COX4I2: variants seen among roughly 807,000 people sequenced by gnomAD.
The protein encoded by COX4I2 is cytochrome c oxidase subunit 4I2.
In COX4I2, 15 loss-of-function variants were observed where a neutral mutation model predicts 20.8. That is an observed-to-expected ratio of 0.72 (90% confidence interval 0.48 to 1.11). The LOEUF is 1.11. Among genes scored for constraint, COX4I2 ranks in the 50% most tolerant of loss-of-function variants. The pLI, the probability that COX4I2 is intolerant of heterozygous loss-of-function variation, is 0.00. For missense variants in COX4I2, 224 were observed against 223.0 expected, an observed-to-expected ratio of 1.00 and a Z score of -0.03; for synonymous variants, 80 against 78.1, an observed-to-expected ratio of 1.02 and a Z score of -0.13.
chr20:31,644,691 GCTACA>G, intron 4 of COX4I2, 72 bp from the exon 5 acceptor site: 3 of 1,564,702 alleles, frequency 1.9e-6, no homozygotes. Context: ...TGGCTGGGAG[GCTACA>G]GGGTGGCTGG....
In COX4I2 at chr20:31,644,571, G is replaced by A. The variant is rs1163728690; in HGVS notation, c.380-197G>A. On this transcript the variant is annotated intron_variant, in intron 4 of 4. Transcript: ENST00000376075. The stretch of plus-strand genomic sequence containing the variant: ...TGGGGTCAGAACCCAGAGGTGCCTG[G>A]GACGATGCTCTAGGAGAAAGTCTGG... 2.6e-5 allele frequency among the ~76,000 whole-genome samples: 4 copies of A among 152,266 alleles called. No individual in the cohort carries two copies. The South Asian group carries it at 8.3e-4, about 32-fold the overall frequency.
In COX4I2 at chr20:31,640,045, G is replaced by A. The variant is rs992843222; in HGVS notation, c.195G>A (p.Lys65=). Residue 65 remains lysine (K), a synonymous_variant, in exon 3 of 5, where the codon AAG becomes AAA. Coordinates refer to ENST00000376075, the MANE Select transcript of COX4I2 (RefSeq NM_032609.3). ...TELNAEEQAL[K]EKEKGSWTQL... ...TCAACGCTGAGGAGCAGGCCCTGAAGGAGAAGGAGAAGGGAAGCTGGACCC... is the reference window on the plus strand; with the variant it reads ...TCAACGCTGAGGAGCAGGCCCTGAAAGAGAAGGAGAAGGGAAGCTGGACCC... 4 of 1,613,744 alleles carry A rather than the reference G, an allele frequency of 2.5e-6. No homozygotes were observed. The Admixed American group carries it at 5.0e-5, about 20-fold the overall frequency.
At position 31,641,613 on chromosome 20, in the gene COX4I2, T is replaced by C. The variant is rs1207614130; in HGVS notation, c.247+1516T>C. On this transcript the variant is annotated intron_variant, in intron 3 of 4. Transcript: ENST00000376075. ...ACCACATAGACAGGCACCAGGGGTT[T>C]CACCCTTAGCTGCTACACCACATTA... Among the ~76,000 whole-genome samples the C allele has an allele frequency of 4.6e-5, 7 of 152,210 alleles. No individual in the cohort carries two copies. In the East Asian group the frequency reaches 1.3e-3, roughly 29 times the overall value.
At position 31,640,954 on chromosome 20, in the gene COX4I2, TACACACACAC is replaced by T. The variant is rs35214276; in HGVS notation, c.247+889_247+898del. Among the ~76,000 whole-genome samples, 246 of 133,610 alleles carry T rather than the reference TACACACACAC, an allele frequency of 1.8e-3. 1 individual carries two copies. Among genetic ancestry groups the T allele is most frequent in the Middle Eastern group, 7.2e-3 (2 of 276 alleles). 87.7% of individuals were successfully genotyped at this position (133,610 alleles called of 152,430 possible). A position where few individuals can be genotyped will look rare whatever the true frequency, so the allele number is the denominator to read the frequency against. ...TACCCCTTCTCTCTCTCTCTCTTTC[TACACACACAC>T]ACACACACACACACACACACACACA... On this transcript the variant is annotated intron_variant, in intron 3 of 4. Coordinates refer to ENST00000376075, the MANE Select transcript of COX4I2 (RefSeq NM_032609.3).
intron 4 of COX4I2, 123 bp downstream of exon 4, chr20:31,643,658 G>T (rs1456231240): frequency 5.0e-6 from 6 of 1,195,104 alleles, no homozygotes; most frequent in Non-Finnish European, 6.1e-6. Context: ...TTCTGAAGAG[G>T]TGTAGGGTGA....
chr20:31,640,084 C>T lies in COX4I2; in HGVS notation c.234C>T (p.Ala78=), dbSNP rs777150879. The T allele has an allele frequency of 3.2e-5, 52 of 1,610,558 alleles. No homozygotes were observed. Among genetic ancestry groups the T allele is most frequent in the African/African-American group, 9.4e-5 (7 of 74,858 alleles). ...GAAGCTGGACCCAGCTGACCCACGC[C>T]GAAAAGGTGGCCTGTAAGTGTCAGG... The part of the protein sequence containing the change: ...EKGSWTQLTH[A]EKVALYRLQF... The change falls in exon 3 of 5, where the codon GCC becomes GCT. Residue 78 remains alanine (A), a synonymous_variant. Transcript: ENST00000376075.
Position 31,639,073 on chromosome 20 carries a change from G to A in COX4I2, c.56G>A (p.Arg19Gln), listed in dbSNP as rs759441417. Residue 19 changes from arginine to glutamine, a missense_variant, in exon 2 of 5, where the codon CGA becomes CAA. Coordinates refer to ENST00000376075, the MANE Select transcript of COX4I2 (RefSeq NM_032609.3). ...CTGAGGAAAGGTGGAGGTGGAAGAC[G>A]AGGGATGCACAGCTCAGAAGGCACC... ...LVLRKGGGGRRGMHSSEGTTR... is the reference protein window; with the variant it reads ...LVLRKGGGGRQGMHSSEGTTR... 7.4e-6 allele frequency: 12 copies of A among 1,612,206 alleles called. No individual in the cohort carries two copies. The East Asian group carries it at 1.6e-4, about 21-fold the overall frequency.
Position 31,644,844 on chromosome 20 carries a change from G to C in COX4I2, c.456G>C (p.Val152=), listed in dbSNP as rs928305162. 8 of 1,614,008 alleles carry C rather than the reference G, an allele frequency of 5.0e-6. No individual in the cohort carries two copies. The highest frequency in any genetic ancestry group is 6.8e-6 in the Non-Finnish European group (8 of 1,180,000). Residue 152 remains valine, a synonymous_variant, in exon 5 of 5, where the codon GTG becomes GTC. Coordinates refer to ENST00000376075, the MANE Select transcript of COX4I2 (RefSeq NM_032609.3). ...QQLQRMLDMK[V]NPVQGLASRW... ...TGCAGCGCATGCTGGACATGAAGGTGAATCCTGTGCAGGGCCTGGCCTCCC... is the reference window on the plus strand; with the variant it reads ...TGCAGCGCATGCTGGACATGAAGGTCAATCCTGTGCAGGGCCTGGCCTCCC...
At position 31,640,051 on chromosome 20, in the gene COX4I2, G is replaced by A; in HGVS notation, c.201G>A (p.Lys67=). 1 of 1,613,702 alleles carries A rather than the reference G, an allele frequency of 6.2e-7. No individual in the cohort carries two copies. The highest frequency in any genetic ancestry group is 8.5e-7 in the Non-Finnish European group (1 of 1,180,024). The change falls in exon 3 of 5, where the codon AAG becomes AAA. Residue 67 remains lysine (K), a synonymous_variant. Coordinates refer to ENST00000376075, the MANE Select transcript of COX4I2 (RefSeq NM_032609.3). ...CTGAGGAGCAGGCCCTGAAGGAGAA[G>A]GAGAAGGGAAGCTGGACCCAGCTGA... The part of the protein sequence containing the change: ...LNAEEQALKE[K]EKGSWTQLTH...
At position 31,643,457 on chromosome 20, in the gene COX4I2, G is replaced by A. The variant is rs770616175; in HGVS notation, c.301G>A (p.Glu101Lys). Residue 101 changes from glutamate (E) to lysine (K), a missense_variant, in exon 4 of 5, where the codon GAG (glutamate) becomes AAG (lysine). Glu to Lys is a moderately conservative substitution (Grantham distance 56). Transcript: ENST00000376075. ...TFAEMNRRSN[E>K]WKTVMGCVFF... ...TGCGGAGATGAACCGTCGCTCCAAT[G>A]AGTGGAAGACAGTGATGGGTTGTGT... is the stretch of plus-strand genomic sequence containing the variant. The A allele has an allele frequency of 3.7e-6, 6 of 1,614,214 alleles. No homozygotes were observed. In the East Asian group the frequency reaches 8.9e-5, roughly 24 times the overall value.
intron 3 of COX4I2, among the ~76,000 whole-genome samples, chr20:31,641,255 G>A (rs1211201794): frequency 6.6e-6 from 1 of 151,938 alleles, no homozygotes. Flanking sequence ...CTATTTGGGA[G>A]GCTGAGGCAG....
Position 31,639,111 on chromosome 20 carries a change from A to C in COX4I2, c.82+12A>C. The stretch of plus-strand genomic sequence containing the variant: ...CTCAGAAGGCACCAGTGAGACCTGG[A>C]CTCCTTCCTCCCTGCCTAACTCCAG... On this transcript the variant is annotated intron_variant, in intron 2 of 4. Coordinates refer to ENST00000376075, the MANE Select transcript of COX4I2 (RefSeq NM_032609.3). 1 of 1,601,904 alleles carries C rather than the reference A, an allele frequency of 6.2e-7. No homozygotes were observed. The highest frequency in any genetic ancestry group is 8.5e-7 in the Non-Finnish European group (1 of 1,174,434).
chr20:31,644,915 C>T lies in COX4I2; in HGVS notation c.*11C>T. On this transcript the variant is annotated 3_prime_UTR_variant, in exon 5 of 5. Transcript: ENST00000376075. Reference sequence around the variant, plus strand: ...CAGTGGAAGAAGTGACTTGCATCCCCAGCTGTCTCCCTGAGGCTCCGCCCT... The same window carrying T: ...CAGTGGAAGAAGTGACTTGCATCCCTAGCTGTCTCCCTGAGGCTCCGCCCT... 1 of 1,612,852 alleles carries T rather than the reference C, an allele frequency of 6.2e-7. No homozygotes were observed. The highest frequency in any genetic ancestry group is 8.5e-7 in the Non-Finnish European group (1 of 1,179,482).
intron 3 of COX4I2, among the ~76,000 whole-genome samples, chr20:31,642,896 G>A (rs1367216034): frequency 6.6e-6 from 1 of 152,060 alleles, no homozygotes; most frequent in Non-Finnish European, 1.5e-5. Context: ...CCCTAATTCT[G>A]TTAGAATGAA....
At chr20:31,644,611 C>A (rs2060485466) in intron 4 of COX4I2, among the ~76,000 whole-genome samples, 157 bp from the exon 5 acceptor site, 1 of 152,134 alleles carries the variant, frequency 6.6e-6, no homozygotes, top group African/African-American at 2.4e-5. Flanking sequence ...CGGGGCTAGA[C>A]AGGGTGGAGT....
At chr20:31,639,328 C>T in intron 2 of COX4I2, 1 of 974,222 alleles carries the variant, frequency 1.0e-6, no homozygotes, top group Non-Finnish European at 1.2e-6. Flanking sequence ...TAGGAGCCAG[C>T]CCCCAAGCCT....
rs776562997 is a variant in COX4I2, at chr20:31,644,799, C to T, written c.411C>T (p.Asp137=). The T allele has an allele frequency of 7.4e-6, 12 of 1,613,964 alleles. No homozygotes were observed. Among genetic ancestry groups the T allele is most frequent in the Admixed American group, 6.7e-5 (4 of 59,976 alleles). ...VFPPKPITLT[D]ERKAQQLQRM... is the part of the protein sequence containing the mutation. ...CTCCAAAGCCGATCACCTTGACGGA[C>T]GAGCGGAAAGCCCAGCAGCTGCAGC... Residue 137 remains aspartate, a synonymous_variant, in exon 5 of 5, where the codon GAC becomes GAT. Transcript: ENST00000376075.
At chr20:31,643,374 G>C (rs199895174) in intron 3 of COX4I2, 30 bp from the exon 4 acceptor site, 1 of 1,613,496 alleles carries the variant, frequency 6.2e-7, no homozygotes, top group East Asian at 2.2e-5. Flanking sequence ...ACGCACCTGA[G>C]GCCCCTTCCC....
chr20:31,639,260 C>T (rs2060452967), intron 2 of COX4I2, 161 bp downstream of exon 2: 1 of 985,270 alleles, frequency 1.0e-6, no homozygotes, highest in African/African-American at 1.7e-5. Flanking sequence ...TCAAGTTTCT[C>T]CAGGAAATGG....
Sources: allele counts gnomAD v4.1 joint callset (sites outside exome capture counted in the v4.1 genomes callset), GRCh38; gene constraint gnomAD v4.1.1; transcripts MANE v1.5; gene names NCBI Gene and HGNC (gene_info 2026-07-23, HGNC 2026-07-21).